Variants in PKHD1 observed in about 807,000 individuals in gnomAD.
The protein encoded by PKHD1 is PKHD1 ciliary IPT domain containing fibrocystin/polyductin.
In PKHD1, 291 loss-of-function variants were observed where a neutral mutation model predicts 412.0. The observed-to-expected ratio is 0.71, with a 90% CI of 0.64 to 0.78. PKHD1 has a LOEUF of 0.78. Ranked by LOEUF, PKHD1 falls within the 30% of genes least tolerant of loss-of-function variation. The pLI is 0.00. For missense variants in PKHD1, 4,825 were observed against 4,950.7 expected (o/e 0.97, Z 0.76); for synonymous variants, 1,777 against 1,821.5 (o/e 0.98, Z 0.62).
chr6:52,032,882 A>G (rs529149098), intron 29 of PKHD1, 148 bp downstream of exon 29: 6 of 727,560 alleles, frequency 8.2e-6, no homozygotes, highest in Admixed American at 8.0e-5. Flanking sequence ...GATTGATTCG[A>G]TGATGGCTAA....
At chr6:51,683,833 T>C (rs1245548795) in intron 60 of PKHD1, among the ~76,000 whole-genome samples, 1 of 149,728 alleles carries the variant, frequency 6.7e-6, no homozygotes, top group Admixed American at 6.6e-5. Flanking sequence ...TTTGAGATTA[T>C]AATGGTTAAA....
At chr6:51,808,709 T>A (rs895598382) in intron 52 of PKHD1, among the ~76,000 whole-genome samples, 1 of 152,162 alleles carries the variant, frequency 6.6e-6, no homozygotes, top group African/African-American at 2.4e-5. Context: ...ATAGGTAATG[T>A]TCCTTTCTCA....
rs1273224271 is a variant in PKHD1 at position 51,855,903 on chromosome 6, C to A, written c.7901G>T (p.Arg2634Ile). The A allele has an allele frequency of 1.9e-6, 3 of 1,613,226 alleles. No homozygotes were observed. The highest frequency in any genetic ancestry group is 1.3e-5 in the African/African-American group (1 of 74,910). Residue 2634 changes from arginine to isoleucine, a missense_variant, in exon 49 of 67, where the codon AGA (arginine) becomes ATA (isoleucine). By Grantham distance (97) the Arg-to-Ile change is moderately conservative. Transcript: ENST00000371117. Reference sequence around the variant, plus strand: ...GATTCCTTGGGTTACCTGCAGAGATCTGTTGATCCAAAGGTTCTCAGATTG... The same window carrying A: ...GATTCCTTGGGTTACCTGCAGAGATATGTTGATCCAAAGGTTCTCAGATTG... ...SLQSENLWIN[R>I]SLQYSATFDN... is the part of the protein sequence containing the mutation.
rs926038607 is a variant in PKHD1 at position 51,618,080 on chromosome 6, T to C, written c.*1001A>G. On this transcript the variant is annotated 3_prime_UTR_variant, in exon 67 of 67. Coordinates refer to ENST00000371117, the MANE Select transcript of PKHD1 (RefSeq NM_138694.4). The stretch of plus-strand genomic sequence containing the variant: ...GTACAAATGTGTGAATTTGGTGAAA[T>C]TGCCTTTAACAACCTTACCAAATGT... 3 of 152,134 alleles carry C rather than the reference T, an allele frequency of 2.0e-5. No individual in the cohort carries two copies. Among genetic ancestry groups the C allele is most frequent in the East Asian group, 1.9e-4 (1 of 5,194 alleles). 9.4% of individuals were successfully genotyped at this position (152,134 alleles called of 1,614,324 possible).
intron 53 of PKHD1, among the ~76,000 whole-genome samples, chr6:51,781,231 T>C (rs1311093432): frequency 3.3e-5 from 5 of 152,306 alleles, no homozygotes; most frequent in African/African-American, 4.8e-5. Flanking sequence ...CAGTGTATAT[T>C]TGACTCGCTT....
At chr6:51,982,831 TAAAAAATA>T (rs1224923939) in intron 35 of PKHD1, among the ~76,000 whole-genome samples, 44 of 129,808 alleles carry the variant, frequency 3.4e-4, no homozygotes, top group Middle Eastern at 4.0e-3. Context: ...TAATAATAAA[TAAAAAATA>T]AAAAAATAAA....
At chr6:52,015,101 T>C (rs970087157) in intron 34 of PKHD1, among the ~76,000 whole-genome samples, 2 of 152,216 alleles carry the variant, frequency 1.3e-5, no homozygotes, top group Admixed American at 6.5e-5. Flanking sequence ...TAGGATCAAA[T>C]TGATATACTC....
Position 52,073,623 on chromosome 6 carries a change from G to A in PKHD1, c.449-82C>T, listed in dbSNP as rs905700177. On this transcript the variant is annotated intron_variant, in intron 6 of 66. Transcript: ENST00000371117. ...TAAAAAACCATGTTTCTTTTTGGTT[G>A]TATATACTCAATATGGCAAAGCAGG... is the stretch of plus-strand genomic sequence containing the variant. 2.1e-5 allele frequency: 18 copies of A among 850,030 alleles called. No individual in the cohort carries two copies. In the East Asian group the frequency reaches 3.2e-4, roughly 15 times the overall value. The allele number at this position is 850,030 out of a possible 1,614,324, so 52.7% of individuals were successfully genotyped here.
At chr6:51,682,093 G>A (rs1776748676) in intron 60 of PKHD1, 1 of 375,016 alleles carries the variant, frequency 2.7e-6, no homozygotes, top group African/African-American at 2.1e-5. Context: ...TACAGCATCA[G>A]GGTAGACTAG....
intron 22 of PKHD1, 45 bp downstream of exon 22, chr6:52,050,112 A>G: frequency 6.2e-7 from 1 of 1,603,106 alleles, no homozygotes; most frequent in Non-Finnish European, 8.5e-7. Flanking sequence ...AAGGCCAACA[A>G]GCATTCTTAG....
chr6:51,950,220 A>AAATATATATATATAT lies in PKHD1; in HGVS notation c.5908+9649_5908+9650insATATATATATATATT. On this transcript the variant is annotated intron_variant, in intron 36 of 66. Transcript: ENST00000371117. ...AATGGGCAATATAGAGAAAAAAAAAAATATATATATATATATATATGAAAT... is the reference window on the plus strand; with the variant it reads ...AATGGGCAATATAGAGAAAAAAAAAAAATATATATATATATATATATATATATATATATATGAAAT... 2.6e-4 allele frequency among the ~76,000 whole-genome samples: 26 copies of AAATATATATATATAT among 98,304 alleles called. 1 individual carries two copies. The highest frequency in any genetic ancestry group is 1.6e-3 in the Admixed American group (12 of 7,536). 64.5% of individuals were successfully genotyped at this position (98,304 alleles called of 152,430 possible). A position where few individuals can be genotyped will look rare whatever the true frequency, so the allele number is the denominator to read the frequency against.
At chr6:52,038,332 A>C (rs1645721051) in intron 27 of PKHD1, among the ~76,000 whole-genome samples, 1 of 151,172 alleles carries the variant, frequency 6.6e-6, no homozygotes, top group Non-Finnish European at 1.5e-5. Context: ...CTGAGATCGC[A>C]CCACTGCACT....
intron 60 of PKHD1, among the ~76,000 whole-genome samples, chr6:51,716,823 C>G (rs1450512495): frequency 6.6e-6 from 1 of 151,988 alleles, no homozygotes; most frequent in Non-Finnish European, 1.5e-5. Context: ...TACCATCACC[C>G]CCCTCCAACC....
intron 35 of PKHD1, among the ~76,000 whole-genome samples, chr6:52,007,383 G>A (rs117744494): frequency 6.6e-6 from 1 of 152,284 alleles, no homozygotes; most frequent in East Asian, 1.9e-4. Context: ...ACAGGGACCT[G>A]GATTGTAGTC....
chr6:51,729,694 A>C (rs999730317), intron 60 of PKHD1, among the ~76,000 whole-genome samples: 1 of 152,178 alleles, frequency 6.6e-6, no homozygotes, highest in Non-Finnish European at 1.5e-5. Flanking sequence ...CTTTCTCCAC[A>C]TTTTCCCCAA....
At chr6:51,824,086 A>T (rs958413252) in intron 52 of PKHD1, among the ~76,000 whole-genome samples, 2 of 152,176 alleles carry the variant, frequency 1.3e-5, no homozygotes, top group African/African-American at 4.8e-5. Context: ...AACATATGTC[A>T]TAGCATTTTA....
chr6:51,622,420 G>T (rs571040047), intron 66 of PKHD1: 1 of 152,164 alleles, frequency 6.6e-6, no homozygotes, highest in South Asian at 2.1e-4. Flanking sequence ...CTGGACTTTT[G>T]AGCCTAAACA....
Position 51,911,870 on chromosome 6 carries a change from G to A in PKHD1, c.6419C>T (p.Thr2140Ile), listed in dbSNP as rs1330113782. Residue 2140 changes from threonine (T) to isoleucine (I), a missense_variant, in exon 39 of 67, where the codon ACC becomes ATC. Thr to Ile is a moderately conservative substitution (Grantham distance 89). Transcript: ENST00000371117. ...ATVALLSRSI[T>I]IQGNLTNERE... ...CTCATTAGTGAGATTTCCTTGTATG[G>A]TAATACTCCTGCTGAGCAGAGCCAC... 1 of 1,611,552 alleles carries A rather than the reference G, an allele frequency of 6.2e-7. No individual in the cohort carries two copies. The highest frequency in any genetic ancestry group is 8.5e-7 in the Non-Finnish European group (1 of 1,178,058).
chr6:52,055,229 T>C (rs1387193098), intron 19 of PKHD1, among the ~76,000 whole-genome samples: 1 of 152,194 alleles, frequency 6.6e-6, no homozygotes, highest in South Asian at 2.1e-4. Context: ...AATGAAGGCA[T>C]ACTGTACTTA....
Sources: allele counts gnomAD v4.1 joint callset (sites outside exome capture counted in the v4.1 genomes callset), GRCh38; gene constraint gnomAD v4.1.1; transcripts MANE v1.5; gene names NCBI Gene and HGNC (gene_info 2026-07-23, HGNC 2026-07-21).